Variants in ADGRL3 observed in about 807,000 individuals in gnomAD.
ADGRL3 encodes the protein adhesion G protein-coupled receptor L3, also known as calcium-independent alpha-latrotoxin receptor 3.
A neutral mutation model predicts 153.5 loss-of-function variants in ADGRL3; 62 were observed. That is an observed-to-expected ratio of 0.40 (90% CI 0.33 to 0.50). The LOEUF (loss-of-function observed/expected upper bound fraction) is 0.50. Ranked by LOEUF, ADGRL3 falls within the 20% of genes least tolerant of loss-of-function variation. ADGRL3 has a pLI of 0.47. For synonymous variants in ADGRL3, 710 were observed against 672.5 expected (o/e 1.06, Z -0.86); for missense variants, 1,641 against 1,859.4 (o/e 0.88, Z 2.16).
chr4:61,990,188 TGGA>T (rs2099098917), intron 19 of ADGRL3, among the ~76,000 whole-genome samples: 1 of 152,048 alleles, frequency 6.6e-6, no homozygotes, highest in Non-Finnish European at 1.5e-5. Context: ...ACCTAAATGA[TGGA>T]GTATTTTTTG....
intron 8 of ADGRL3, among the ~76,000 whole-genome samples, chr4:61,733,974 G>A (rs377602074): frequency 2.0e-5 from 3 of 152,238 alleles, no homozygotes; most frequent in Admixed American, 1.3e-4. Context: ...TCAGGAGCCC[G>A]CACCAATGTA....
intron 2 of ADGRL3, among the ~76,000 whole-genome samples, chr4:61,453,059 ATAGAG>A (rs1438243987): frequency 6.6e-6 from 1 of 152,156 alleles, no homozygotes; most frequent in Non-Finnish European, 1.5e-5. Flanking sequence ...CAGAAGTATA[ATAGAG>A]TAATTGTAAA....
At chr4:61,918,799 T>C (rs554353422) in intron 13 of ADGRL3, among the ~76,000 whole-genome samples, 1 of 152,302 alleles carries the variant, frequency 6.6e-6, no homozygotes, top group South Asian at 2.1e-4. Context: ...ACATGCAATA[T>C]CTAAACATTT....
At chr4:61,895,861 C>T (rs1189751679) in intron 11 of ADGRL3, 27 bp downstream of exon 11, 1 of 1,337,144 alleles carries the variant, frequency 7.5e-7, no homozygotes, top group Non-Finnish European at 1.0e-6. Context: ...ACAAGAAAGT[C>T]TTTGCTAAAA....
At chr4:61,377,400 G>T (rs1408210971) in intron 1 of ADGRL3, among the ~76,000 whole-genome samples, 3 of 152,026 alleles carry the variant, frequency 2.0e-5, no homozygotes, top group East Asian at 1.9e-4. Context: ...TCATTCTCTG[G>T]ATTTTCTGCA....
intron 9 of ADGRL3, among the ~76,000 whole-genome samples, chr4:61,891,187 G>A (rs1187853387): frequency 4.1e-5 from 6 of 145,094 alleles, no homozygotes; most frequent in African/African-American, 1.0e-4. Context: ...GGAGCTGAAC[G>A]TAGATAGTGA....
chr4:61,388,265 A>G (rs1460137970), intron 2 of ADGRL3, among the ~76,000 whole-genome samples: 1 of 152,332 alleles, frequency 6.6e-6, no homozygotes, highest in East Asian at 1.9e-4. Flanking sequence ...ATGATCTACC[A>G]TACAGCATTT....
At chr4:61,750,872 T>C (rs2096748886) in intron 8 of ADGRL3, among the ~76,000 whole-genome samples, 1 of 151,672 alleles carries the variant, frequency 6.6e-6, no homozygotes, top group Non-Finnish European at 1.5e-5. Flanking sequence ...ATGTGAATCT[T>C]GAAGTGGAAT....
chr4:61,272,605 A>G (rs1430881305), intron 1 of ADGRL3, among the ~76,000 whole-genome samples: 2 of 152,122 alleles, frequency 1.3e-5, no homozygotes, highest in Non-Finnish European at 2.9e-5. Flanking sequence ...ATACACTGCT[A>G]TGGCCTCTAG....
chr4:61,420,841 A>G (rs1249634679), intron 2 of ADGRL3: 4 of 150,388 alleles, frequency 2.7e-5, no homozygotes, highest in Non-Finnish European at 4.4e-5. Context: ...TAAGAACTTC[A>G]TTATATAAAT....
chr4:61,235,534 A>G (rs930752236), intron 1 of ADGRL3, among the ~76,000 whole-genome samples: 37 of 152,306 alleles, frequency 2.4e-4, no homozygotes, highest in Admixed American at 9.2e-4. Context: ...TGAGATGGGC[A>G]TAGGATGGAG....
At chr4:61,883,093 G>T (rs2098518020) in intron 9 of ADGRL3, among the ~76,000 whole-genome samples, 1 of 152,168 alleles carries the variant, frequency 6.6e-6, no homozygotes, top group Non-Finnish European at 1.5e-5. Context: ...TCCGGCCTGG[G>T]CATCAGAATG....
intron 8 of ADGRL3, among the ~76,000 whole-genome samples, chr4:61,768,056 G>C (rs1333701383): frequency 6.6e-6 from 1 of 152,110 alleles, no homozygotes; most frequent in African/African-American, 2.4e-5. Context: ...AAGTGTCTCA[G>C]GGTTGCTGCC....
intron 23 of ADGRL3, among the ~76,000 whole-genome samples, chr4:62,035,819 C>T (rs1025678394): frequency 2.0e-5 from 3 of 152,146 alleles, no homozygotes; most frequent in Non-Finnish European, 4.4e-5. Context: ...CATCGCTTGA[C>T]TTTTCAGTCT....
At position 61,935,911 on chromosome 4, in the gene ADGRL3, T is replaced by C; in HGVS notation, c.2297-12T>C. 2 of 1,584,114 alleles carry C rather than the reference T, an allele frequency of 1.3e-6. No individual in the cohort carries two copies. The highest frequency in any genetic ancestry group is 1.7e-6 in the Non-Finnish European group (2 of 1,163,928). On this transcript the variant is annotated splice_polypyrimidine_tract_variant and intron_variant, in intron 14 of 26. Transcript: ENST00000683033. The stretch of plus-strand genomic sequence containing the variant: ...TTCTCAATGAGCACTGATATCTCTT[T>C]GATATTAACAGAATTGGAAGTTGCA...
intron 8 of ADGRL3, among the ~76,000 whole-genome samples, chr4:61,801,987 G>C (rs1213960568): frequency 6.6e-6 from 1 of 152,094 alleles, no homozygotes; most frequent in Non-Finnish European, 1.5e-5. Flanking sequence ...AAATGTCCAA[G>C]TTGTCTCTCC....
intron 6 of ADGRL3, among the ~76,000 whole-genome samples, chr4:61,681,646 A>G (rs2095338456): frequency 6.6e-6 from 1 of 152,112 alleles, no homozygotes; most frequent in South Asian, 2.1e-4. Context: ...ATTTATAAAT[A>G]ATTATGTAAC....
chr4:61,762,345 T>C (rs2096923149), intron 8 of ADGRL3, among the ~76,000 whole-genome samples: 1 of 152,162 alleles, frequency 6.6e-6, no homozygotes, highest in South Asian at 2.1e-4. Flanking sequence ...TCTTATGTAA[T>C]TCAGTATCTC....
chr4:62,008,756 C>CAT (rs1450157080), intron 21 of ADGRL3, among the ~76,000 whole-genome samples: 5 of 151,226 alleles, frequency 3.3e-5, no homozygotes, highest in Non-Finnish European at 7.4e-5. Context: ...TACAAATATA[C>CAT]ATATATATGC....
Sources: gnomAD v4.1 joint callset for allele counts (sites outside exome capture counted in the v4.1 genomes callset) on GRCh38, gnomAD v4.1.1 for gene constraint, MANE v1.5 for transcripts, NCBI Gene and HGNC (gene_info 2026-07-23, HGNC 2026-07-21) for gene names.